The following TGOLN2 variants were observed in gnomAD, a reference collection of about 807,000 sequenced individuals.
TGOLN2 encodes the protein trans-Golgi network integral membrane protein 2.
Under a neutral mutation model 31.3 loss-of-function variants are expected in TGOLN2, and 19 were observed. The ratio of observed to expected loss-of-function variants is 0.61; its 90% CI spans 0.42 to 0.89. The LOEUF (loss-of-function observed/expected upper bound fraction) is 0.89, where lower values mean the gene tolerates loss of function less well. Ranked by LOEUF, TGOLN2 falls within the 40% of genes least tolerant of loss-of-function variation. TGOLN2 has a pLI of 0.00. For synonymous variants in TGOLN2, 222 were observed against 226.7 expected (o/e 0.98, Z 0.19); for missense variants, 540 against 559.2 (o/e 0.97, Z 0.35).
intron 3 of TGOLN2, 31 bp from the exon 4 acceptor site, chr2:85,322,772 C>A (rs181345514): frequency 2.5e-6 from 4 of 1,607,226 alleles, no homozygotes. Flanking sequence ...TTAGGAGGTG[C>A]AGGGAAAACA....
Position 85,326,534 on chromosome 2 carries a change from A to T in TGOLN2, c.1198T>A (p.Tyr400Asn). The T allele has an allele frequency of 1.9e-6, 3 of 1,613,896 alleles. No individual in the cohort carries two copies. The highest frequency in any genetic ancestry group is 2.5e-6 in the Non-Finnish European group (3 of 1,179,876). The change falls in exon 2 of 4, where the codon TAT (tyrosine) becomes AAT (asparagine). Residue 400 changes from tyrosine to asparagine, a missense_variant. Tyr to Asn is a moderately radical substitution (Grantham distance 143). Transcript: ENST00000377386. Reference sequence around the variant, plus strand: ...TTCCGCTTGTTGTGATGAGCGATATAGAGGACAGCCACAAGAATGGCTGCA... The same window carrying T: ...TTCCGCTTGTTGTGATGAGCGATATTGAGGACAGCCACAAGAATGGCTGCA... ...VTAAILVAVL[Y>N]IAHHNKRKII... is the part of the protein sequence containing the mutation.
In TGOLN2 at chr2:85,320,750, C is replaced by T. The variant is rs1682518129; in HGVS notation, c.*1986G>A. ...AGGCCTGGCTTTGAGGGCCTCTTCA[C>T]CACCAGCACAAGATAAGGCAAAGGA... On this transcript the variant is annotated 3_prime_UTR_variant, in exon 4 of 4. Coordinates refer to ENST00000377386, the MANE Select transcript of TGOLN2 (RefSeq NM_006464.4). 1 of 152,150 alleles carries T rather than the reference C, an allele frequency of 6.6e-6. No homozygotes were observed. Among genetic ancestry groups the T allele is most frequent in the South Asian group, 2.1e-4 (1 of 4,826 alleles). 9.4% of individuals were successfully genotyped at this position (152,150 alleles called of 1,614,324 possible). A position where few individuals can be genotyped will look rare whatever the true frequency, so the allele number is the denominator to read the frequency against.
Position 85,327,957 on chromosome 2 carries a change from C to G in TGOLN2, c.6G>C (p.Arg2=). Residue 2 remains arginine, a synonymous_variant, in exon 1 of 4, where the codon CGG becomes CGC. Transcript: ENST00000377386. The part of the protein sequence containing the change: M[R]FVVALVLLNV... ...TCAGGAGGACCAAGGCAACCACGAACCGCATCCTGCTCGGATAGCGCTTCC... is the reference window on the plus strand; with the variant it reads ...TCAGGAGGACCAAGGCAACCACGAAGCGCATCCTGCTCGGATAGCGCTTCC... 6.3e-7 allele frequency: 1 copy of G among 1,596,022 alleles called. No individual in the cohort carries two copies. The highest frequency in any genetic ancestry group is 8.5e-7 in the Non-Finnish European group (1 of 1,171,786).
chr2:85,325,010 A>G lies in TGOLN2; in HGVS notation c.1225-12T>C. 1 of 1,551,734 alleles carries G rather than the reference A, an allele frequency of 6.4e-7. No individual in the cohort carries two copies. Among genetic ancestry groups the G allele is most frequent in the Non-Finnish European group, 8.7e-7 (1 of 1,146,944 alleles). ...ACAAAAGCAATGATCTGAGGAAAGG[A>G]AAAAGAAAATGATTAACAGGTGGCT... is the stretch of plus-strand genomic sequence containing the variant. On this transcript the variant is annotated splice_polypyrimidine_tract_variant and intron_variant, in intron 2 of 3. Coordinates refer to ENST00000377386, the MANE Select transcript of TGOLN2 (RefSeq NM_006464.4).
Position 85,322,664 on chromosome 2 carries a change from A to G in TGOLN2, c.*72T>C, listed in dbSNP as rs963275661. 5 of 1,603,284 alleles carry G rather than the reference A, an allele frequency of 3.1e-6. No individual in the cohort carries two copies. Among genetic ancestry groups the G allele is most frequent in the Middle Eastern group, 1.6e-4 (1 of 6,064 alleles). On this transcript the variant is annotated 3_prime_UTR_variant, in exon 4 of 4. Transcript: ENST00000377386. ...GGACAAGGTTCTCAAGGACAAAAAA[A>G]TCAAAGCTGAAACGAGAGCAGCACA...
rs1682800438 is a variant in TGOLN2 at position 85,327,643 on chromosome 2, T to G, written c.89A>C (p.Glu30Ala). Residue 30 changes from glutamate (E) to alanine (A), a missense_variant, in exon 2 of 4, where the codon GAA becomes GCA. Physicochemically the swap from Glu to Ala is moderately radical, Grantham distance 107 (BLOSUM62 -1). Transcript: ENST00000377386. ...TCCTGCAGAAGGCCGTACTCCAGCT[T>G]CTTCTTGCTTGACGCTTTCGGTGGC... ...LLATESVKQE[E>A]AGVRPSAGNV... 2 of 1,613,076 alleles carry G rather than the reference T, an allele frequency of 1.2e-6. No individual in the cohort carries two copies. The highest frequency in any genetic ancestry group is 1.7e-6 in the Non-Finnish European group (2 of 1,179,232).
At chr2:85,327,787 G>T in intron 1 of TGOLN2, 102 bp from the exon 2 acceptor site, 1 of 1,482,984 alleles carries the variant, frequency 6.7e-7, no homozygotes, top group Non-Finnish European at 9.2e-7. Flanking sequence ...GGGGATTGGG[G>T]GGTGGGGCGG....
intron 2 of TGOLN2, among the ~76,000 whole-genome samples, chr2:85,325,462 C>T (rs1460600609): frequency 6.6e-6 from 1 of 152,064 alleles, no homozygotes; most frequent in Non-Finnish European, 1.5e-5. Context: ...GACACTTGGA[C>T]ATAGAATAAG....
chr2:85,322,602 C>T lies in TGOLN2; in HGVS notation c.*134G>A. On this transcript the variant is annotated 3_prime_UTR_variant, in exon 4 of 4. Transcript: ENST00000377386. Reference sequence around the variant, plus strand: ...GTCTCTCAGGTCACAGTACTTTTTTCTTCATTTCTTTTGATTTAGAAACAA... The same window carrying T: ...GTCTCTCAGGTCACAGTACTTTTTTTTTCATTTCTTTTGATTTAGAAACAA... 10 of 1,527,138 alleles carry T rather than the reference C, an allele frequency of 6.5e-6. No homozygotes were observed. The Admixed American group carries it at 7.5e-5, about 11-fold the overall frequency. 94.6% of individuals were successfully genotyped at this position (1,527,138 alleles called of 1,614,324 possible).
In TGOLN2 at chr2:85,322,483, C is replaced by T; in HGVS notation, c.*253G>A. On this transcript the variant is annotated 3_prime_UTR_variant, in exon 4 of 4. Coordinates refer to ENST00000377386, the MANE Select transcript of TGOLN2 (RefSeq NM_006464.4). ...GCCACCAGCATAAATAAAGGGAACACAGAAGAACAATGTCACCAAAGTGCA... is the reference window on the plus strand; with the variant it reads ...GCCACCAGCATAAATAAAGGGAACATAGAAGAACAATGTCACCAAAGTGCA... 1.6e-6 allele frequency: 1 copy of T among 634,356 alleles called. No individual in the cohort carries two copies. Among genetic ancestry groups the T allele is most frequent in the Non-Finnish European group, 2.6e-6 (1 of 381,400 alleles). The allele number at this position is 634,356 out of a possible 1,614,324, so 39.3% of individuals were successfully genotyped here.
At chr2:85,325,066 A>C in intron 2 of TGOLN2, 68 bp from the exon 3 acceptor site, 2 of 1,414,166 alleles carry the variant, frequency 1.4e-6, no homozygotes, top group Non-Finnish European at 1.9e-6. Context: ...CTCTGAACTC[A>C]GAGGCAGTCA....
intron 3 of TGOLN2, among the ~76,000 whole-genome samples, chr2:85,323,334 G>C (rs978671135): frequency 2.0e-5 from 3 of 152,158 alleles, no homozygotes; most frequent in African/African-American, 7.2e-5. Context: ...GGGAGGCTGA[G>C]GTGGGTGGAT....
Position 85,324,909 on chromosome 2 carries a change from C to T in TGOLN2, c.1308+6G>A. Reference sequence around the variant, plus strand: ...CCTCCCATGGACCTGGCTCCTCCTTCCTTACCTTCTGGTCCAAACGTTGGT... The same window carrying T: ...CCTCCCATGGACCTGGCTCCTCCTTTCTTACCTTCTGGTCCAAACGTTGGT... On this transcript the variant is annotated splice_donor_region_variant and intron_variant, in intron 3 of 3. Transcript: ENST00000377386. 6.4e-7 allele frequency: 1 copy of T among 1,553,676 alleles called. No homozygotes were observed. Among genetic ancestry groups the T allele is most frequent in the African/African-American group, 1.4e-5 (1 of 73,338 alleles).
At chr2:85,326,063 C>T (rs772608647) in intron 2 of TGOLN2, among the ~76,000 whole-genome samples, 1 of 151,596 alleles carries the variant, frequency 6.6e-6, no homozygotes, top group Non-Finnish European at 1.5e-5. Flanking sequence ...GTATCGAAGA[C>T]GCAGTAATTG....
chr2:85,326,480 C>T, intron 2 of TGOLN2, 28 bp downstream of exon 2: 1 of 1,603,156 alleles, frequency 6.2e-7, no homozygotes, highest in Non-Finnish European at 8.5e-7. Context: ...AAACCCCACT[C>T]CCCTCCGGAA....
In TGOLN2 at chr2:85,322,755, A is replaced by G; in HGVS notation, c.1309-14T>C. ...ATTCTGTTAGGACTTAGGGGAAAAA[A>G]GATCTTTTAGGAGGTGCAGGGAAAA... On this transcript the variant is annotated splice_polypyrimidine_tract_variant and intron_variant, in intron 3 of 3. Coordinates refer to ENST00000377386, the MANE Select transcript of TGOLN2 (RefSeq NM_006464.4). 6.2e-7 allele frequency: 1 copy of G among 1,610,710 alleles called. No homozygotes were observed. Among genetic ancestry groups the G allele is most frequent in the Non-Finnish European group, 8.5e-7 (1 of 1,179,380 alleles).
At chr2:85,323,551 G>A (rs1035657736) in intron 3 of TGOLN2, among the ~76,000 whole-genome samples, 5 of 152,200 alleles carry the variant, frequency 3.3e-5, no homozygotes, top group Non-Finnish European at 7.3e-5. Flanking sequence ...GGACGACACA[G>A]CAAGACTCCG....
In TGOLN2 at chr2:85,326,652, C is replaced by T; in HGVS notation, c.1080G>A (p.Ser360=). 3 of 1,614,018 alleles carry T rather than the reference C, an allele frequency of 1.9e-6. No homozygotes were observed. Among genetic ancestry groups the T allele is most frequent in the Non-Finnish European group, 2.5e-6 (3 of 1,179,880 alleles). ...ASSENREGTL[S]DSTGSEKDDL... is the part of the protein sequence containing the mutation. ...CATCCTTCTCGCTACCCGTGGAATC[C>T]GAAAGTGTCCCTTCACGGTTCTCAC... is the stretch of plus-strand genomic sequence containing the variant. The change falls in exon 2 of 4, where the codon TCG becomes TCA. Residue 360 remains serine, a synonymous_variant. Coordinates refer to ENST00000377386, the MANE Select transcript of TGOLN2 (RefSeq NM_006464.4).
chr2:85,319,083 G>A lies in TGOLN2; in HGVS notation c.*3653C>T, dbSNP rs944760439. 6.6e-6 allele frequency: 1 copy of A among 151,938 alleles called. No homozygotes were observed. Among genetic ancestry groups the A allele is most frequent in the Non-Finnish European group, 1.5e-5 (1 of 68,010 alleles). 9.4% of individuals were successfully genotyped at this position (151,938 alleles called of 1,614,324 possible). On this transcript the variant is annotated 3_prime_UTR_variant, in exon 4 of 4. Transcript: ENST00000377386. ...CTCACCCTCATCCACACAATCGCTAGAAAACATGCTTCAAATATTCTATCT... is the reference window on the plus strand; with the variant it reads ...CTCACCCTCATCCACACAATCGCTAAAAAACATGCTTCAAATATTCTATCT...
Sources: allele counts gnomAD v4.1 joint callset (sites outside exome capture counted in the v4.1 genomes callset), GRCh38; gene constraint gnomAD v4.1.1; transcripts MANE v1.5; gene names NCBI Gene and HGNC (gene_info 2026-07-23, HGNC 2026-07-21).